Variants in ADAM22 observed in about 807,000 individuals in gnomAD.
ADAM22 encodes the protein disintegrin and metalloproteinase domain-containing protein 22.
ADAM22 carries 65 observed loss-of-function variants against 144.6 expected under a neutral mutation model. The observed-to-expected ratio is 0.45, with a 90% CI of 0.37 to 0.55. ADAM22 has a LOEUF of 0.55. Among genes scored for constraint, ADAM22 ranks in the 20% least tolerant of loss-of-function variants. The probability of loss-of-function intolerance (pLI) is 0.00; values close to 1 mark genes in which losing one functional copy is unlikely to be tolerated. For synonymous variants in ADAM22, 391 were observed against 412.6 expected (o/e 0.95, Z 0.63); for missense variants, 974 against 1,184.9 (o/e 0.82, Z 2.61).
intron 11 of ADAM22, 130 bp downstream of exon 11, chr7:88,131,565 G>A (rs1831781002): frequency 2.1e-6 from 2 of 943,638 alleles, no homozygotes; most frequent in Non-Finnish European, 3.1e-6. Flanking sequence ...GATAGATTTG[G>A]AAAAAGTTTT....
intron 3 of ADAM22, among the ~76,000 whole-genome samples, chr7:88,004,549 T>TATA (rs1793333757): frequency 6.6e-6 from 1 of 152,240 alleles, no homozygotes; most frequent in Non-Finnish European, 1.5e-5. Flanking sequence ...ACTTCCAATA[T>TATA]ATAAATGTGT....
At chr7:87,944,816 G>GTTT (rs11311070) in intron 2 of ADAM22, among the ~76,000 whole-genome samples, 5 of 127,020 alleles carry the variant, frequency 3.9e-5, no homozygotes, top group East Asian at 2.5e-4. Context: ...GGAAACTTGT[G>GTTT]TTTTTTTTTT....
intron 19 of ADAM22, 106 bp downstream of exon 19, chr7:88,151,137 C>G: frequency 1.3e-6 from 2 of 1,520,058 alleles, no homozygotes; most frequent in Non-Finnish European, 1.8e-6. Context: ...GTAATCAATT[C>G]TGAAGATAAA....
chr7:87,972,067 T>TA (rs1265238840), intron 2 of ADAM22, among the ~76,000 whole-genome samples: 1 of 152,130 alleles, frequency 6.6e-6, no homozygotes, highest in African/African-American at 2.4e-5. Flanking sequence ...AACATAGTGT[T>TA]GGAAGTTCTG....
chr7:88,186,351 A>C, intron 29 of ADAM22: 1 of 433,246 alleles, frequency 2.3e-6, no homozygotes, highest in South Asian at 2.6e-5. Flanking sequence ...GGGAGCTTCT[A>C]ATTCACTTTG....
At chr7:87,936,614 C>A (rs191643306) in intron 2 of ADAM22, among the ~76,000 whole-genome samples, 48 of 152,108 alleles carry the variant, frequency 3.2e-4, no homozygotes, top group Admixed American at 1.4e-3. Flanking sequence ...TTTCTATTTC[C>A]TTTCCCTCTC....
chr7:87,984,002 C>T (rs1048596240), intron 3 of ADAM22, among the ~76,000 whole-genome samples: 3 of 151,994 alleles, frequency 2.0e-5, no homozygotes, highest in South Asian at 2.1e-4. Context: ...AAATTATTCT[C>T]GATGCTGATA....
chr7:88,142,958 A>T, intron 14 of ADAM22, 68 bp from the exon 15 acceptor site: 1 of 955,848 alleles, frequency 1.0e-6, no homozygotes, highest in South Asian at 1.5e-5. Context: ...TTAAGTCTTC[A>T]GTTTTCAGAC....
At chr7:88,020,016 T>C (rs1797448050) in intron 3 of ADAM22, among the ~76,000 whole-genome samples, 1 of 152,164 alleles carries the variant, frequency 6.6e-6, no homozygotes, top group South Asian at 2.1e-4. Context: ...TGAACCTTTA[T>C]GGGAGCTCAC....
intron 4 of ADAM22, among the ~76,000 whole-genome samples, chr7:88,102,021 G>A (rs962390150): frequency 1.2e-4 from 19 of 152,130 alleles, no homozygotes; most frequent in Admixed American, 2.0e-4. Flanking sequence ...AGGCATACCT[G>A]GGTGTGGATG....
At chr7:87,935,327 C>A in intron 2 of ADAM22, 141 bp downstream of exon 2, 1 of 991,758 alleles carries the variant, frequency 1.0e-6, no homozygotes, top group Non-Finnish European at 1.4e-6. Flanking sequence ...GCATGGCGCT[C>A]CCTGTGCAAA....
At chr7:88,037,164 G>T (rs1473360973) in intron 3 of ADAM22, among the ~76,000 whole-genome samples, 1 of 152,014 alleles carries the variant, frequency 6.6e-6, no homozygotes, top group Admixed American at 6.6e-5. Flanking sequence ...CTTTCTTTGA[G>T]AAAAATTCTA....
chr7:88,129,044 G>A (rs923430966), intron 9 of ADAM22, among the ~76,000 whole-genome samples: 3 of 151,856 alleles, frequency 2.0e-5, no homozygotes, highest in Non-Finnish European at 2.9e-5. Context: ...TTTAGTTCGC[G>A]GGGTACACCT....
At chr7:88,134,922 C>A (rs1390320898) in intron 13 of ADAM22, among the ~76,000 whole-genome samples, 1 of 151,992 alleles carries the variant, frequency 6.6e-6, no homozygotes, top group Non-Finnish European at 1.5e-5. Context: ...TCACTTTACC[C>A]TGAATGGTCA....
chr7:88,195,554 C>T (rs954090529), intron 31 of ADAM22, among the ~76,000 whole-genome samples: 3 of 152,086 alleles, frequency 2.0e-5, no homozygotes, highest in African/African-American at 4.8e-5. Flanking sequence ...CTCGCTCAGT[C>T]GCCCAGGCTA....
At chr7:88,150,394 A>AT (rs1257388849) in intron 18 of ADAM22, among the ~76,000 whole-genome samples, 1 of 152,324 alleles carries the variant, frequency 6.6e-6, no homozygotes, top group East Asian at 1.9e-4. Context: ...TACTCATTCA[A>AT]TATTGCCTTA....
intron 8 of ADAM22, among the ~76,000 whole-genome samples, chr7:88,127,358 C>T (rs773387980): frequency 2.6e-5 from 4 of 151,856 alleles, no homozygotes; most frequent in Non-Finnish European, 5.9e-5. Context: ...AACTGTGTGG[C>T]TAATATGGCA....
intron 4 of ADAM22, among the ~76,000 whole-genome samples, chr7:88,098,187 A>G (rs1298520311): frequency 2.6e-5 from 4 of 152,246 alleles, no homozygotes; most frequent in African/African-American, 4.8e-5. Flanking sequence ...AAAATGGAAT[A>G]TTAAGTTTGC....
At chr7:88,057,399 A>G (rs1371435964) in intron 3 of ADAM22, among the ~76,000 whole-genome samples, 4 of 152,252 alleles carry the variant, frequency 2.6e-5, no homozygotes, top group African/African-American at 9.6e-5. Flanking sequence ...TCACAAAAAT[A>G]TGGTTAGGAA....
Sources: allele counts gnomAD v4.1 joint callset (sites outside exome capture counted in the v4.1 genomes callset), GRCh38; gene constraint gnomAD v4.1.1; transcripts MANE v1.5; gene names NCBI Gene and HGNC (gene_info 2026-07-23, HGNC 2026-07-21).